Variants in ADAMTS15 observed in about 807,000 individuals in gnomAD.
ADAMTS15 encodes the protein A disintegrin and metalloproteinase with thrombospondin motifs 15.
In ADAMTS15, 35 loss-of-function variants were observed where a neutral mutation model predicts 79.1. The ratio of observed to expected loss-of-function variants is 0.44; its 90% confidence interval spans 0.34 to 0.59. The LOEUF (loss-of-function observed/expected upper bound fraction) is 0.59. Ranked by LOEUF, ADAMTS15 falls within the 20% of genes least tolerant of loss-of-function variation. ADAMTS15 has a pLI of 0.02. For missense variants in ADAMTS15, 1,324 were observed against 1,318.7 expected, an observed-to-expected ratio of 1.00 and a Z score of -0.06; for synonymous variants, 616 against 567.3, an observed-to-expected ratio of 1.09 and a Z score of -1.22.
rs1386554247 is a variant in ADAMTS15 at position 130,471,326 on chromosome 11, T to A, written c.2021T>A (p.Val674Glu). 1.2e-6 allele frequency: 2 copies of A among 1,611,926 alleles called. No homozygotes were observed. The highest frequency in any genetic ancestry group is 1.7e-6 in the Non-Finnish European group (2 of 1,179,612). The change falls in exon 7 of 8, where the codon GTG becomes GAG. Residue 674 changes from valine to glutamate, a missense_variant. Physicochemically the swap from Val to Glu is moderately radical, Grantham distance 121. Transcript: ENST00000299164. ...GSKKRFDKCG[V>E]CGGDNKSCKK... ...AAGAAGAGATTCGACAAGTGTGGGG[T>A]GTGTGGGGGAGACAATAAGAGCTGC...
rs373539649 is a variant in ADAMTS15 at position 130,470,180 on chromosome 11, ATGTG to A, written c.1721-736_1721-733del. ...TATATATATATATATATATATATAT[ATGTG>A]TGTATATATATATATATATATATAT... is the stretch of plus-strand genomic sequence containing the variant. On this transcript the variant is annotated intron_variant, in intron 5 of 7. Transcript: ENST00000299164. Among the ~76,000 whole-genome samples the A allele has an allele frequency of 2.5e-3, 111 of 44,730 alleles. 7 individuals are homozygous for A. The highest frequency in any genetic ancestry group is 0.023 in the East Asian group (35 of 1,518). 29.3% of individuals were successfully genotyped at this position (44,730 alleles called of 152,430 possible). A position where few individuals can be genotyped will look rare whatever the true frequency, so the allele number is the denominator to read the frequency against.
rs267602783 is a variant in ADAMTS15, at chr11:130,473,062, C to T, written c.2094C>T (p.Phe698=). 1.9e-5 allele frequency: 30 copies of T among 1,613,304 alleles called. No homozygotes were observed. The highest frequency in any genetic ancestry group is 1.6e-4 in the Middle Eastern group (1 of 6,082). The part of the protein sequence containing the change: ...LFTKPMHGYN[F]VVAIPAGASS... ...CCCCCGCCAGGCATGGCTACAATTT[C>T]GTGGTGGCCATCCCCGCAGGCGCCT... The change falls in exon 8 of 8, where the codon TTC becomes TTT. Residue 698 remains phenylalanine (F), a synonymous_variant. Transcript: ENST00000299164.
At position 130,469,318 on chromosome 11, in the gene ADAMTS15, TG is replaced by T. The variant is rs1400968258; in HGVS notation, c.1604del (p.Gly535AlafsTer24). The T allele has an allele frequency of 1.4e-6, 2 of 1,397,046 alleles. No individual in the cohort carries two copies. The highest frequency in any genetic ancestry group is 2.8e-5 in the East Asian group (1 of 36,262). 86.5% of individuals were successfully genotyped at this position (1,397,046 alleles called of 1,614,324 possible). On this transcript the variant is annotated frameshift_variant, in exon 5 of 8. Coordinates refer to ENST00000299164, the MANE Select transcript of ADAMTS15 (RefSeq NM_139055.4). LOFTEE classifies it high-confidence loss of function. ...ATGGCCCCTGCTCGCGCACATGTGGTGGGGGCGTGCAGCTGGCCAGGAGGCA... is the reference window on the plus strand; with the variant it reads ...ATGGCCCCTGCTCGCGCACATGTGGTGGGGCGTGCAGCTGGCCAGGAGGCA... ...PYGPCSRTCG[G>X]GVQLARRQCT...
intron 1 of ADAMTS15, among the ~76,000 whole-genome samples, chr11:130,451,745 A>G (rs10894200): frequency 0.54 from 81,831 of 152,034 alleles, 23,303 homozygotes; most frequent in African/African-American, 0.73. Context: ...GCCCTAGGAG[A>G]AGAACTCCTG....
intron 5 of ADAMTS15, among the ~76,000 whole-genome samples, chr11:130,470,346 A>G (rs184066065): frequency 1.1e-4 from 16 of 151,204 alleles, no homozygotes; most frequent in African/African-American, 3.4e-4. Context: ...CCTCCCAAGC[A>G]GCTGGGATTA....
In ADAMTS15 at chr11:130,472,899, A is replaced by G. The variant is rs932844663; in HGVS notation, c.2079-148A>G. 2 of 1,158,688 alleles carry G rather than the reference A, an allele frequency of 1.7e-6. No individual in the cohort carries two copies. The highest frequency in any genetic ancestry group is 1.2e-6 in the Non-Finnish European group (1 of 817,408). The allele number at this position is 1,158,688 out of a possible 1,614,324, so 71.8% of individuals were successfully genotyped here. A position where few individuals can be genotyped will look rare whatever the true frequency, so the allele number is the denominator to read the frequency against. On this transcript the variant is annotated intron_variant, in intron 7 of 7. Transcript: ENST00000299164. The surrounding 1 kb of genome is among the most constrained non-coding windows in gnomAD (Gnocchi z 4.7). ...TTTCCAGCACCAATCGCCAAGGGGCAGGGACCTCTCTGACTCCAAAACCTG... is the reference window on the plus strand; with the variant it reads ...TTTCCAGCACCAATCGCCAAGGGGCGGGGACCTCTCTGACTCCAAAACCTG...
At chr11:130,453,094 T>C (rs1369625396) in intron 1 of ADAMTS15, among the ~76,000 whole-genome samples, 2 of 152,082 alleles carry the variant, frequency 1.3e-5, no homozygotes, top group Admixed American at 6.5e-5. Flanking sequence ...AGACCAGCCC[T>C]GTTGGGGAGG....
intron 1 of ADAMTS15, among the ~76,000 whole-genome samples, chr11:130,451,352 A>G (rs1214126391): frequency 6.6e-6 from 1 of 152,138 alleles, no homozygotes; most frequent in Non-Finnish European, 1.5e-5. Context: ...CCCTTCCTGG[A>G]GTCGAACTTC....
chr11:130,456,905 C>T (rs1400375505), intron 1 of ADAMTS15, among the ~76,000 whole-genome samples: 3 of 152,322 alleles, frequency 2.0e-5, no homozygotes, highest in East Asian at 3.9e-4. Context: ...AAGTCCGCTA[C>T]ATGAGAATGC....
rs764903714 is a variant in ADAMTS15, at chr11:130,462,650, C to A, written c.1412C>A (p.Thr471Asn). 5 of 1,613,468 alleles carry A rather than the reference C, an allele frequency of 3.1e-6. No individual in the cohort carries two copies. Among genetic ancestry groups the A allele is most frequent in the African/African-American group, 2.7e-5 (2 of 74,928 alleles). ...YMQYCTKLWC[T>N]GKAKGQMVCQ... ...CAGTACTGCACCAAGCTGTGGTGCA[C>A]CGGGAAGGCCAAGGGACAGATGGTG... Residue 471 changes from threonine to asparagine, a missense_variant, in exon 4 of 8, where the codon ACC becomes AAC. Transcript: ENST00000299164. The surrounding 1 kb of genome is among the most constrained non-coding windows in gnomAD (Gnocchi z 4.3).
intron 4 of ADAMTS15, among the ~76,000 whole-genome samples, chr11:130,467,860 G>A (rs1403632520): frequency 1.3e-5 from 2 of 151,266 alleles, no homozygotes; most frequent in African/African-American, 4.9e-5. Context: ...GCTTAATAAT[G>A]TCTTATCTTT....
intron 1 of ADAMTS15, among the ~76,000 whole-genome samples, chr11:130,457,846 G>A (rs889071612): frequency 8.5e-5 from 13 of 152,154 alleles, no homozygotes; most frequent in African/African-American, 3.1e-4. Flanking sequence ...TCCCTGCCGG[G>A]GTGGGGAGGA....
At chr11:130,471,615 A>G (rs1400459634) in intron 7 of ADAMTS15, among the ~76,000 whole-genome samples, 4 of 152,112 alleles carry the variant, frequency 2.6e-5, no homozygotes, top group Admixed American at 1.3e-4. Context: ...CTGGGGGAAG[A>G]CCCACTTAAC....
chr11:130,471,527 G>A, intron 7 of ADAMTS15, 144 bp downstream of exon 7: 2 of 810,646 alleles, frequency 2.5e-6, no homozygotes, highest in African/African-American at 1.8e-5. Context: ...TACCCTTCTA[G>A]GGCTGCTAGT....
rs77094951 is a variant in ADAMTS15 at position 130,470,675 on chromosome 11, T to C, written c.1721-245T>C. 2.1e-3 allele frequency among the ~76,000 whole-genome samples: 326 copies of C among 152,294 alleles called. 1 individual carries two copies. Among genetic ancestry groups the C allele is most frequent in the African/African-American group, 7.5e-3 (313 of 41,554 alleles). On this transcript the variant is annotated intron_variant, in intron 5 of 7. Coordinates refer to ENST00000299164, the MANE Select transcript of ADAMTS15 (RefSeq NM_139055.4). ...ATTATTCTGAAAATAGTTTGCAACC[T>C]AGAGGGAGTTTGAGGCTGGGTTACT...
intron 4 of ADAMTS15, among the ~76,000 whole-genome samples, chr11:130,466,322 C>G (rs1441597886): frequency 5.3e-5 from 8 of 152,154 alleles, no homozygotes; most frequent in Non-Finnish European, 1.2e-4. Flanking sequence ...ATCTTCAGTC[C>G]AGGCCTCGCT....
Position 130,473,644 on chromosome 11 carries a change from G to T in ADAMTS15, c.2676G>T (p.Glu892Asp). The change falls in exon 8 of 8, where the codon GAG (glutamate) becomes GAT (aspartate). Residue 892 changes from glutamate to aspartate, a missense_variant. Physicochemically the swap from Glu to Asp is conservative, Grantham distance 45. Transcript: ENST00000299164. ...HRPVETQACG[E>D]PCPTWELSAW... is the part of the protein sequence containing the mutation. Reference sequence around the variant, plus strand: ...CCGTGGAGACACAAGCCTGCGGGGAGCCCTGCCCCACCTGGGAGCTCAGCG... The same window carrying T: ...CCGTGGAGACACAAGCCTGCGGGGATCCCTGCCCCACCTGGGAGCTCAGCG... The T allele has an allele frequency of 6.2e-7, 1 of 1,607,838 alleles. No homozygotes were observed. Among genetic ancestry groups the T allele is most frequent in the Non-Finnish European group, 8.5e-7 (1 of 1,179,880 alleles).
In ADAMTS15 at chr11:130,448,723, C is replaced by T. The variant is rs1937884959; in HGVS notation, c.-251C>T. 6.6e-6 allele frequency among the ~76,000 whole-genome samples: 1 copy of T among 152,262 alleles called. No homozygotes were observed. The highest frequency in any genetic ancestry group is 2.1e-4 in the South Asian group (1 of 4,836). On this transcript the variant is annotated 5_prime_UTR_variant, in exon 1 of 8. Transcript: ENST00000299164. Reference sequence around the variant, plus strand: ...TCGGCTGCAAATCTTCGTCCTTGCACTTGACAGCGATTGTACTTAAGCTCC... The same window carrying T: ...TCGGCTGCAAATCTTCGTCCTTGCATTTGACAGCGATTGTACTTAAGCTCC...
chr11:130,473,736 A>T lies in ADAMTS15; in HGVS notation c.2768A>T (p.His923Leu), dbSNP rs765723542. 6 of 1,599,670 alleles carry T rather than the reference A, an allele frequency of 3.8e-6. No homozygotes were observed. Among genetic ancestry groups the T allele is most frequent in the Non-Finnish European group, 5.1e-6 (6 of 1,179,872 alleles). ...FQRRSLKCVG[H>L]GGRLLARDQC... The stretch of plus-strand genomic sequence containing the variant: ...AGGCGCTCACTCAAGTGTGTGGGCC[A>T]CGGAGGCCGGCTGCTGGCCCGGGAC... The change falls in exon 8 of 8, where the codon CAC becomes CTC. Residue 923 changes from histidine (H) to leucine (L), a missense_variant. Physicochemically the swap from His to Leu is moderately conservative, Grantham distance 99. Transcript: ENST00000299164.
Sources: allele counts gnomAD v4.1 joint callset (sites outside exome capture counted in the v4.1 genomes callset), GRCh38; gene constraint gnomAD v4.1.1; non-coding constraint Gnocchi (gnomAD v3.1); transcripts MANE v1.5; gene names NCBI Gene and HGNC (gene_info 2026-07-23, HGNC 2026-07-21).